RNF11: variants seen among roughly 807,000 people sequenced by gnomAD.
RNF11 encodes the protein ring finger protein 11.
Under a neutral mutation model 15.8 loss-of-function variants are expected in RNF11, and 4 were observed. The observed-to-expected ratio is 0.25, with a 90% confidence interval of 0.12 to 0.58. The LOEUF (loss-of-function observed/expected upper bound fraction) is 0.58. Ranked by LOEUF, RNF11 falls within the 20% of genes least tolerant of loss-of-function variation. The pLI is 0.91. For synonymous variants in RNF11, 68 were observed against 72.3 expected, an observed-to-expected ratio of 0.94 and a Z score of 0.30; for missense variants, 139 against 194.4, an observed-to-expected ratio of 0.71 and a Z score of 1.70.
intron 1 of RNF11, among the ~76,000 whole-genome samples, chr1:51,244,869 T>C (rs1440528169): frequency 4.6e-5 from 7 of 152,314 alleles, no homozygotes; most frequent in East Asian, 1.9e-4. Flanking sequence ...AAGAGTAAGA[T>C]AGTCTGTTCA....
chr1:51,255,656 T>A (rs1450506985), intron 1 of RNF11, among the ~76,000 whole-genome samples: 1 of 152,244 alleles, frequency 6.6e-6, no homozygotes, highest in African/African-American at 2.4e-5. Flanking sequence ...TTTTGGTATG[T>A]TCAAGGAGGG....
At chr1:51,245,401 C>G (rs908207471) in intron 1 of RNF11, among the ~76,000 whole-genome samples, 2 of 152,134 alleles carry the variant, frequency 1.3e-5, no homozygotes, top group Admixed American at 6.6e-5. Flanking sequence ...AGTCCACCCA[C>G]CTCGGCCTCC....
chr1:51,250,177 A>G (rs1439683280), intron 1 of RNF11, among the ~76,000 whole-genome samples: 3 of 152,170 alleles, frequency 2.0e-5, no homozygotes, highest in Admixed American at 2.0e-4. Flanking sequence ...TAATTGATAT[A>G]ATTATATATA....
intron 1 of RNF11, among the ~76,000 whole-genome samples, chr1:51,239,085 T>A (rs1292627691): frequency 2.0e-5 from 3 of 151,996 alleles, no homozygotes; most frequent in Non-Finnish European, 2.9e-5. Flanking sequence ...CTTCTATTTT[T>A]AAAAAAATAG....
chr1:51,259,005 A>G (rs765282476), intron 1 of RNF11, among the ~76,000 whole-genome samples: 1 of 152,324 alleles, frequency 6.6e-6, no homozygotes, highest in Non-Finnish European at 1.5e-5. Flanking sequence ...AAGGACATGT[A>G]TCCCATCCTT....
At chr1:51,245,141 C>T (rs1646846137) in intron 1 of RNF11, among the ~76,000 whole-genome samples, 1 of 152,154 alleles carries the variant, frequency 6.6e-6, no homozygotes, top group African/African-American at 2.4e-5. Flanking sequence ...CTCACTGAAG[C>T]CTCAACCTCA....
chr1:51,262,074 C>T (rs1018028040), intron 1 of RNF11, among the ~76,000 whole-genome samples: 16 of 152,068 alleles, frequency 1.1e-4, no homozygotes, highest in African/African-American at 2.4e-4. Context: ...AGGCTGGTCT[C>T]GAACTCCTGG....
intron 1 of RNF11, among the ~76,000 whole-genome samples, chr1:51,254,589 A>G (rs1646895843): frequency 2.0e-5 from 3 of 151,942 alleles, no homozygotes; most frequent in South Asian, 4.2e-4. Flanking sequence ...CCGCCTCCCA[A>G]GTAGCTAGGA....
At chr1:51,250,469 G>C in intron 1 of RNF11, 1 of 459,360 alleles carries the variant, frequency 2.2e-6, no homozygotes, top group Non-Finnish European at 3.9e-6. Flanking sequence ...GAACAACATA[G>C]AGTTGAATAG....
chr1:51,237,444 A>ATATATATATATATATGTGTG (rs1646810120), intron 1 of RNF11, among the ~76,000 whole-genome samples: 2 of 126,510 alleles, frequency 1.6e-5, no homozygotes, highest in Admixed American at 1.6e-4. Flanking sequence ...ATATATGTGT[A>ATATATATATATATATGTGTG]TATATATATA....
chr1:51,240,024 C>T (rs1196819301), intron 1 of RNF11, among the ~76,000 whole-genome samples: 2 of 152,184 alleles, frequency 1.3e-5, no homozygotes, highest in Non-Finnish European at 2.9e-5. Flanking sequence ...TAACAGTTAT[C>T]CCTGCTTTCA....
intron 1 of RNF11, among the ~76,000 whole-genome samples, chr1:51,268,436 T>C (rs1646964485): frequency 6.6e-6 from 1 of 152,198 alleles, no homozygotes; most frequent in Non-Finnish European, 1.5e-5. Context: ...AATTAAAATA[T>C]AGTTTTTATT....
At chr1:51,251,804 C>T (rs901306419) in intron 1 of RNF11, among the ~76,000 whole-genome samples, 1 of 151,894 alleles carries the variant, frequency 6.6e-6, no homozygotes, top group African/African-American at 2.4e-5. Flanking sequence ...TGGAGCCGGG[C>T]GAGGTGGCTC....
In RNF11 at chr1:51,236,849, G is replaced by A; in HGVS notation, c.93G>A (p.Glu31=). Residue 31 remains glutamate (E), a synonymous_variant, in exon 1 of 3, where the codon GAG becomes GAA. Coordinates refer to ENST00000242719, the MANE Select transcript of RNF11 (RefSeq NM_014372.5). Reference sequence around the variant, plus strand: ...GGGCTAGCTTTGGCGAGGGGACGGAGCCGGATCAGGAGCCGCCGCCGCCAT... The same window carrying A: ...GGGCTAGCTTTGGCGAGGGGACGGAACCGGATCAGGAGCCGCCGCCGCCAT... ...SDRASFGEGT[E]PDQEPPPPYQ... 1.2e-6 allele frequency: 2 copies of A among 1,610,768 alleles called. No individual in the cohort carries two copies. The highest frequency in any genetic ancestry group is 1.7e-5 in the Admixed American group (1 of 59,632).
At chr1:51,248,231 G>T in intron 1 of RNF11, among the ~76,000 whole-genome samples, 1 of 143,038 alleles carries the variant, frequency 7.0e-6, no homozygotes. Context: ...GCTTTGAGAT[G>T]GAGTCTTGCT....
At chr1:51,243,545 TCTC>T (rs1021024081) in intron 1 of RNF11, among the ~76,000 whole-genome samples, 3 of 152,124 alleles carry the variant, frequency 2.0e-5, no homozygotes, top group Admixed American at 1.3e-4. Flanking sequence ...TCCGAGCAAT[TCTC>T]CTGCCTCAGC....
At chr1:51,241,122 A>AT (rs1646827208) in intron 1 of RNF11, among the ~76,000 whole-genome samples, 1 of 151,722 alleles carries the variant, frequency 6.6e-6, no homozygotes, top group Non-Finnish European at 1.5e-5. Context: ...TGCCCTTTAT[A>AT]TTTTTTAAAT....
chr1:51,242,829 TG>T (rs1243862166), intron 1 of RNF11, among the ~76,000 whole-genome samples: 2 of 152,248 alleles, frequency 1.3e-5, no homozygotes, highest in African/African-American at 4.8e-5. Context: ...TAAAGGGTTG[TG>T]TTTTTTTATT....
intron 1 of RNF11, among the ~76,000 whole-genome samples, chr1:51,262,969 G>A (rs532566549): frequency 1.3e-5 from 2 of 152,200 alleles, no homozygotes; most frequent in Admixed American, 1.3e-4. Flanking sequence ...ATAATAAAAA[G>A]ATTAAGTTTA....
Sources: gnomAD v4.1 joint callset for allele counts (sites outside exome capture counted in the v4.1 genomes callset) on GRCh38, gnomAD v4.1.1 for gene constraint, MANE v1.5 for transcripts, NCBI Gene and HGNC (gene_info 2026-07-23, HGNC 2026-07-21) for gene names.